Variants in KLF12 observed in about 807,000 individuals in gnomAD.
KLF12 encodes the protein Krueppel-like factor 12.
Under a neutral mutation model 37.8 loss-of-function variants are expected in KLF12, and 9 were observed. That is an observed-to-expected ratio of 0.24 (90% CI 0.14 to 0.42). KLF12 has a LOEUF of 0.42. Ranked by LOEUF, KLF12 falls within the 10% of genes least tolerant of loss-of-function variation. The pLI is 1.00. For missense variants in KLF12, 411 were observed against 516.0 expected (o/e 0.80, Z 1.97); for synonymous variants, 208 against 202.1 (o/e 1.03, Z -0.25).
At chr13:74,263,677 T>C in the KLF12 span, among the ~76,000 whole-genome samples, 1 of 152,050 alleles carries the variant, frequency 6.6e-6, no homozygotes, top group African/African-American at 2.4e-5. Flanking sequence ...GAGGTGGAGG[T>C]TGCAGTGAGC....
intron 7 of KLF12, among the ~76,000 whole-genome samples, chr13:73,712,139 G>T (rs1228483475): frequency 1.3e-5 from 2 of 152,060 alleles, no homozygotes; most frequent in African/African-American, 4.8e-5. Flanking sequence ...GGGAGTTCGA[G>T]ACCAGCCTGA....
intron 2 of KLF12, among the ~76,000 whole-genome samples, chr13:73,991,609 A>G (rs2138248502): frequency 6.6e-6 from 1 of 152,334 alleles, no homozygotes; most frequent in Non-Finnish European, 1.5e-5. Context: ...GAGAAAGTTA[A>G]AATTCACAAA....
intron 1 of KLF12, among the ~76,000 whole-genome samples, chr13:74,088,456 G>T (rs1426123669): frequency 3.9e-5 from 6 of 152,056 alleles, no homozygotes; most frequent in Non-Finnish European, 7.4e-5. Context: ...TCAAACTACT[G>T]ATCTTAAGCG....
At chr13:73,712,481 C>G (rs1875481396) in intron 7 of KLF12, among the ~76,000 whole-genome samples, 1 of 151,898 alleles carries the variant, frequency 6.6e-6, no homozygotes, top group Non-Finnish European at 1.5e-5. Context: ...GGAATGTATT[C>G]CCAGTGAAGA....
At chr13:74,013,036 ATTTC>A (rs1366229406) in intron 1 of KLF12, among the ~76,000 whole-genome samples, 1 of 152,216 alleles carries the variant, frequency 6.6e-6, no homozygotes, top group Non-Finnish European at 1.5e-5. Flanking sequence ...GAACATGTAG[ATTTC>A]TTTCTTCTAT....
rs186482526 is a variant in KLF12, at chr13:74,117,808, C to T, written c.-32+15931G>A. 2.6e-4 allele frequency among the ~76,000 whole-genome samples: 39 copies of T among 152,200 alleles called. No homozygotes were observed. The East Asian group carries it at 3.1e-3, about 12-fold the overall frequency. ...CATCAGATGAACCAAAACTGAAGGA[C>T]GTCCTATAAAATACCTGACCAGTAC... On this transcript the variant is annotated intron_variant, in intron 1 of 7. Coordinates refer to ENST00000377669, the MANE Select transcript of KLF12 (RefSeq NM_007249.5).
chr13:73,840,789 C>A (rs1240642677), intron 4 of KLF12, among the ~76,000 whole-genome samples: 1 of 152,108 alleles, frequency 6.6e-6, no homozygotes, highest in South Asian at 2.1e-4. Flanking sequence ...TACAGCATTG[C>A]CTTGAGAACC....
At chr13:73,932,601 T>C (rs1254513094) in intron 3 of KLF12, among the ~76,000 whole-genome samples, 1 of 152,170 alleles carries the variant, frequency 6.6e-6, no homozygotes, top group Non-Finnish European at 1.5e-5. Flanking sequence ...TCTATTGATT[T>C]CAAAAATTGA....
the KLF12 span, among the ~76,000 whole-genome samples, chr13:74,303,155 A>G: frequency 6.6e-6 from 1 of 152,214 alleles, no homozygotes; most frequent in Non-Finnish European, 1.5e-5. Context: ...CTTGACCAAT[A>G]TCTAGCCTAT....
rs1874032320 is a variant in KLF12, at chr13:73,694,888, T to G, written c.*602A>C. 6.6e-6 allele frequency: 1 copy of G among 152,594 alleles called. No homozygotes were observed. Among genetic ancestry groups the G allele is most frequent in the Admixed American group, 6.5e-5 (1 of 15,276 alleles). 9.5% of individuals were successfully genotyped at this position (152,594 alleles called of 1,614,324 possible). On this transcript the variant is annotated 3_prime_UTR_variant, in exon 8 of 8. Transcript: ENST00000377669. ...TGGTTTTCTTCAGGGCATGGCAGAA[T>G]GACAAGTTGAGAGTGATATCTAGTG...
the KLF12 span, among the ~76,000 whole-genome samples, chr13:74,174,914 A>G: frequency 6.6e-6 from 1 of 152,232 alleles, no homozygotes; most frequent in Non-Finnish European, 1.5e-5. Flanking sequence ...ATATGAGATG[A>G]AAAACCACGA....
chr13:74,293,458 C>A, the KLF12 span, among the ~76,000 whole-genome samples: 1 of 152,108 alleles, frequency 6.6e-6, no homozygotes, highest in Non-Finnish European at 1.5e-5. Context: ...ATTCAAGAAT[C>A]CCAGACATTC....
chr13:74,230,610 T>C, the KLF12 span, among the ~76,000 whole-genome samples: 2 of 152,192 alleles, frequency 1.3e-5, no homozygotes, highest in Non-Finnish European at 2.9e-5. Context: ...GGGTAACAGC[T>C]GGTTTTGCAT....
chr13:74,122,300 T>C (rs1454466101), intron 1 of KLF12, among the ~76,000 whole-genome samples: 1 of 152,060 alleles, frequency 6.6e-6, no homozygotes, highest in Non-Finnish European at 1.5e-5. Context: ...ATAATTCTAA[T>C]TTTCCTACAA....
At chr13:74,141,660 C>G in the KLF12 span, among the ~76,000 whole-genome samples, 3 of 152,200 alleles carry the variant, frequency 2.0e-5, no homozygotes, top group Admixed American at 2.0e-4. Context: ...ATACAGCTGC[C>G]CCTCCCTCTC....
At chr13:74,172,487 C>T in the KLF12 span, among the ~76,000 whole-genome samples, 1 of 152,088 alleles carries the variant, frequency 6.6e-6, no homozygotes, top group South Asian at 2.1e-4. Context: ...TGAAGTTTGC[C>T]CCATCTTTTG....
chr13:74,270,759 G>T, the KLF12 span, among the ~76,000 whole-genome samples: 3 of 152,138 alleles, frequency 2.0e-5, no homozygotes, highest in Non-Finnish European at 2.9e-5. Context: ...GCGAACCCTG[G>T]AGCTTGGGGC....
the KLF12 span, among the ~76,000 whole-genome samples, chr13:74,297,667 C>T: frequency 6.6e-6 from 1 of 152,078 alleles, no homozygotes; most frequent in Admixed American, 6.6e-5. Flanking sequence ...CAAACAAAAT[C>T]CTACCTAGAA....
At chr13:73,725,879 A>ATTTATTTT (rs1876629043) in intron 6 of KLF12, among the ~76,000 whole-genome samples, 1 of 140,084 alleles carries the variant, frequency 7.1e-6, no homozygotes, top group Non-Finnish European at 1.5e-5. Context: ...TTATTTATTT[A>ATTTATTTT]TTTTTTGAGA....
Sources: gnomAD v4.1 joint callset for allele counts (sites outside exome capture counted in the v4.1 genomes callset) on GRCh38, gnomAD v4.1.1 for gene constraint, MANE v1.5 for transcripts, NCBI Gene and HGNC (gene_info 2026-07-23, HGNC 2026-07-21) for gene names.